Variants in ZNF449 observed in about 807,000 individuals in gnomAD.
ZNF449 encodes the protein zinc finger and SCAN domain-containing protein 19.
Under a neutral mutation model 32.6 loss-of-function variants are expected in ZNF449, and 4 were observed. The observed-to-expected ratio is 0.12, with a 90% CI of 0.06 to 0.28. The LOEUF (loss-of-function observed/expected upper bound fraction) is 0.28. Ranked by LOEUF, ZNF449 falls within the 10% of genes least tolerant of loss-of-function variation. The pLI is 1.00. For missense variants in ZNF449, 275 were observed against 383.2 expected (o/e 0.72, Z 2.36); for synonymous variants, 123 against 132.2 (o/e 0.93, Z 0.48).
At chrX:135,348,908 A>G (rs1322071187) in intron 2 of ZNF449, 2 of 912,952 alleles carry the variant, frequency 2.2e-6, no homozygotes, top group African/African-American at 4.0e-5. Context: ...CTCACTAATA[A>G]TTGTTCATAT....
rs1006124370 is a variant in ZNF449 at position 135,360,654 on chromosome X, T to C, written c.1135T>C (p.Tyr379His). The C allele has an allele frequency of 1.7e-6, 2 of 1,211,464 alleles. No homozygotes were observed. The highest frequency in any genetic ancestry group is 2.2e-6 in the Non-Finnish European group (2 of 895,372). The stretch of plus-strand genomic sequence containing the variant: ...ACGACTTCATACAGGGGAGAGACCC[T>C]ATGAATGCACTGTATGTAAAAAGCG... ...HQRLHTGERP[Y>H]ECTVCKKRFT... The change falls in exon 5 of 5, where the codon TAT (tyrosine) becomes CAT (histidine). Residue 379 changes from tyrosine to histidine, a missense_variant. Physicochemically the swap from Tyr to His is moderately conservative, Grantham distance 83 (BLOSUM62 2). Coordinates refer to ENST00000339249, the MANE Select transcript of ZNF449 (RefSeq NM_152695.6).
At position 135,362,062 on chromosome X, in the gene ZNF449, T is replaced by C. The variant is rs557867152; in HGVS notation, c.*986T>C. On this transcript the variant is annotated 3_prime_UTR_variant, in exon 5 of 5. Transcript: ENST00000339249. ...AGAACTAATATTCTGCAAATGTCTC[T>C]TGGAACACACTGCCTTAAACAGATA... 8.9e-6 allele frequency: 1 copy of C among 111,870 alleles called. No individual in the cohort carries two copies. The highest frequency in any genetic ancestry group is 4.6e-3 in the Middle Eastern group (1 of 216). The allele number at this position is 111,870 out of a possible 1,213,427, so 9.2% of individuals were successfully genotyped here. A position where few individuals can be genotyped will look rare whatever the true frequency, so the allele number is the denominator to read the frequency against.
chrX:135,360,014 T>C lies in ZNF449; in HGVS notation c.673+9T>C, dbSNP rs1556452957. 8.7e-7 allele frequency: 1 copy of C among 1,144,420 alleles called. No homozygotes were observed. The highest frequency in any genetic ancestry group is 2.4e-5 in the Admixed American group (1 of 41,060). 94.3% of individuals were successfully genotyped at this position (1,144,420 alleles called of 1,213,427 possible). A position where few individuals can be genotyped will look rare whatever the true frequency, so the allele number is the denominator to read the frequency against. Reference sequence around the variant, plus strand: ...ACTTGATTCCAAGATAGGTAAGTAATTGTTCTTTGATATACTAGTGGGAAA... The same window carrying C: ...ACTTGATTCCAAGATAGGTAAGTAACTGTTCTTTGATATACTAGTGGGAAA... On this transcript the variant is annotated intron_variant, in intron 4 of 4. Transcript: ENST00000339249.
chrX:135,355,781 A>G (rs1327932507), intron 3 of ZNF449, among the ~76,000 whole-genome samples: 7 of 111,830 alleles, frequency 6.3e-5, no homozygotes, highest in African/African-American at 2.3e-4. Context: ...TATTCACAAT[A>G]TGTACAACTG....
chrX:135,358,753 A>G (rs1556452636), intron 3 of ZNF449, among the ~76,000 whole-genome samples: 1 of 111,554 alleles, frequency 9.0e-6, no homozygotes, highest in African/African-American at 3.2e-5. Flanking sequence ...CTCCTATTCC[A>G]AGTTTCAATT....
At chrX:135,345,266 A>G (rs1317203173) in intron 1 of ZNF449, among the ~76,000 whole-genome samples, 1 of 112,786 alleles carries the variant, frequency 8.9e-6, no homozygotes, top group African/African-American at 3.2e-5. Flanking sequence ...GAGAGAAATC[A>G]CTGGTCCCAC....
chrX:135,349,006 A>G, intron 2 of ZNF449, 104 bp from the exon 3 acceptor site: 2 of 1,036,698 alleles, frequency 1.9e-6, no homozygotes, highest in Non-Finnish European at 2.7e-6. Flanking sequence ...AAATTTATTC[A>G]TATGGCCACT....
intron 3 of ZNF449, among the ~76,000 whole-genome samples, chrX:135,357,763 T>C (rs1348347213): frequency 9.0e-6 from 1 of 111,555 alleles, no homozygotes; most frequent in Non-Finnish European, 1.9e-5. Context: ...CAGGGGTTTT[T>C]TTGTTTGTTT....
In ZNF449 at chrX:135,359,952, T is replaced by C; in HGVS notation, c.620T>C (p.Val207Ala). ...FSLENREEPWVKELQDSKEMK... is the reference protein window; with the variant it reads ...FSLENREEPWAKELQDSKEMK... Reference sequence around the variant, plus strand: ...TTGGAGAATAGAGAAGAGCCATGGGTGAAGGAATTACAGGATTCTAAAGAA... The same window carrying C: ...TTGGAGAATAGAGAAGAGCCATGGGCGAAGGAATTACAGGATTCTAAAGAA... The change falls in exon 4 of 5, where the codon GTG becomes GCG. Residue 207 changes from valine to alanine, a missense_variant. Around this residue, in one of 3 missense-constraint regions of ZNF449, gnomAD observed 165 missense variants for 175.0 expected, o/e 0.94. Coordinates refer to ENST00000339249, the MANE Select transcript of ZNF449 (RefSeq NM_152695.6). The C allele has an allele frequency of 1.7e-6, 2 of 1,202,785 alleles. No homozygotes were observed. Among genetic ancestry groups the C allele is most frequent in the Non-Finnish European group, 2.2e-6 (2 of 890,419 alleles).
Position 135,347,030 on chromosome X carries a change from T to C in ZNF449, c.-89T>C, listed in dbSNP as rs1556448533. On this transcript the variant is annotated 5_prime_UTR_variant, in exon 2 of 5. Transcript: ENST00000339249. ...TTTTCTGTCCTTAGCTGTAGGTGGC[T>C]CCCTCCCACCCCAACGATTTCAGAG... 3.1e-6 allele frequency: 3 copies of C among 963,932 alleles called. No homozygotes were observed. Among genetic ancestry groups the C allele is most frequent in the East Asian group, 3.1e-5 (1 of 32,340 alleles). 79.4% of individuals were successfully genotyped at this position (963,932 alleles called of 1,213,427 possible). A position where few individuals can be genotyped will look rare whatever the true frequency, so the allele number is the denominator to read the frequency against.
chrX:135,351,671 A>C (rs1355402706), intron 3 of ZNF449, among the ~76,000 whole-genome samples: 1 of 108,236 alleles, frequency 9.2e-6, no homozygotes, highest in South Asian at 3.9e-4. Context: ...AAAAAAAAAA[A>C]AAAAAAAAAA....
chrX:135,351,375 A>G (rs1214508625), intron 3 of ZNF449, among the ~76,000 whole-genome samples: 1 of 110,782 alleles, frequency 9.0e-6, no homozygotes, highest in East Asian at 2.8e-4. Context: ...AGAAGGGAGT[A>G]AGGATGGAAT....
rs1046708649 is a variant in ZNF449, at chrX:135,363,006, A to C, written c.*1930A>C. On this transcript the variant is annotated 3_prime_UTR_variant, in exon 5 of 5. Coordinates refer to ENST00000339249, the MANE Select transcript of ZNF449 (RefSeq NM_152695.6). ...TAATATAGGAGGAGTCTGAATGTAG[A>C]GATGAAAAATACAGAATGTAATGGC... The C allele has an allele frequency of 2.6e-4, 29 of 112,315 alleles. No homozygotes were observed. Among genetic ancestry groups the C allele is most frequent in the African/African-American group, 9.4e-4 (29 of 30,907 alleles). 9.3% of individuals were successfully genotyped at this position (112,315 alleles called of 1,213,427 possible).
chrX:135,354,496 T>C (rs1164744722), intron 3 of ZNF449, among the ~76,000 whole-genome samples: 1 of 111,961 alleles, frequency 8.9e-6, no homozygotes, highest in African/African-American at 3.3e-5. Context: ...TGTCCAGAAG[T>C]ATCTGAATAT....
chrX:135,348,743 A>G, intron 2 of ZNF449: 18 of 990,098 alleles, frequency 1.8e-5, no homozygotes, highest in Non-Finnish European at 2.4e-5. Context: ...TTTTATCTTC[A>G]TGTGGTCTAG....
intron 3 of ZNF449, among the ~76,000 whole-genome samples, chrX:135,349,935 A>C (rs1556449831): frequency 9.0e-6 from 1 of 111,549 alleles, no homozygotes; most frequent in Non-Finnish European, 1.9e-5. Flanking sequence ...AGAAAGTCCA[A>C]GTGGAGAAAG....
chrX:135,362,341 T>C lies in ZNF449; in HGVS notation c.*1265T>C, dbSNP rs1340276299. On this transcript the variant is annotated 3_prime_UTR_variant, in exon 5 of 5. Transcript: ENST00000339249. ...ACACATATGTATATACACATATCAT[T>C]TTAAGAAGCTGAGGATCACTAATTC... 2.7e-5 allele frequency: 3 copies of C among 111,794 alleles called. No individual in the cohort carries two copies. The highest frequency in any genetic ancestry group is 9.5e-5 in the Admixed American group (1 of 10,509). 9.2% of individuals were successfully genotyped at this position (111,794 alleles called of 1,213,427 possible). A position where few individuals can be genotyped will look rare whatever the true frequency, so the allele number is the denominator to read the frequency against.
chrX:135,356,995 C>G (rs1056929206), intron 3 of ZNF449, among the ~76,000 whole-genome samples: 1 of 110,872 alleles, frequency 9.0e-6, no homozygotes, highest in Non-Finnish European at 1.9e-5. Flanking sequence ...TAGTTCAAAC[C>G]CATGTTGTTC....
At chrX:135,347,501 T>C in intron 2 of ZNF449, 29 bp downstream of exon 2, 1 of 1,208,876 alleles carries the variant, frequency 8.3e-7, no homozygotes, top group Non-Finnish European at 1.1e-6. Context: ...ATCTTTGTGA[T>C]TGGTCCAAAG....
Sources: allele counts gnomAD v4.1 joint callset (sites outside exome capture counted in the v4.1 genomes callset), GRCh38; gene constraint gnomAD v4.1.1; regional missense constraint gnomAD v4.1.1; transcripts MANE v1.5; gene names NCBI Gene and HGNC (gene_info 2026-07-23, HGNC 2026-07-21).